The following ADGRG2 variants were observed in gnomAD, a reference collection of about 807,000 sequenced individuals.
ADGRG2 encodes G protein-coupled receptor 64.
A neutral mutation model predicts 74.1 loss-of-function variants in ADGRG2; 26 were observed. The observed-to-expected ratio is 0.35, with a 90% confidence interval of 0.26 to 0.49. The LOEUF is 0.49. ADGRG2 is among the 20% of genes least tolerant of loss of function. The pLI, the probability that ADGRG2 is intolerant of heterozygous loss-of-function variation, is 0.99. For missense variants in ADGRG2, 619 were observed against 763.1 expected (o/e 0.81, Z 2.22); for synonymous variants, 296 against 295.2 (o/e 1.00, Z -0.03).
chrX:19,093,487 A>G (rs920791829), intron 1 of ADGRG2, among the ~76,000 whole-genome samples: 1 of 112,039 alleles, frequency 8.9e-6, no homozygotes, highest in East Asian at 2.8e-4. Context: ...GCTCATGGTC[A>G]TAAGAACACT....
At chrX:18,991,862 CAAT>C (rs2059928555) in intron 28 of ADGRG2, among the ~76,000 whole-genome samples, 1 of 112,192 alleles carries the variant, frequency 8.9e-6, no homozygotes, top group Non-Finnish European at 1.9e-5. Context: ...ATTATGATAA[CAAT>C]GATCATAACA....
chrX:19,110,625 G>A (rs183631762), intron 1 of ADGRG2, among the ~76,000 whole-genome samples: 116 of 107,191 alleles, frequency 1.1e-3, no homozygotes, highest in African/African-American at 3.7e-3. Flanking sequence ...GACAGGGGTC[G>A]CAGTGAGCCA....
At chrX:19,028,273 T>G (rs747241917) in intron 9 of ADGRG2, 35 bp from the exon 10 acceptor site, 21 of 661,822 alleles carry the variant, frequency 3.2e-5, no homozygotes. Flanking sequence ...ATTTGAGACT[T>G]GTATCCTTAT....
chrX:19,010,515 A>G (rs1379351277), intron 17 of ADGRG2, 98 bp downstream of exon 17: 1 of 681,080 alleles, frequency 1.5e-6, no homozygotes, highest in East Asian at 3.3e-5. Context: ...TGTACCTGGT[A>G]CTTGGGAGTA....
At chrX:19,065,241 G>A (rs1196244050) in intron 3 of ADGRG2, among the ~76,000 whole-genome samples, 2 of 88,669 alleles carry the variant, frequency 2.3e-5, no homozygotes, top group African/African-American at 8.8e-5. Flanking sequence ...TCAAGTCTGG[G>A]CGACAACAAG....
At chrX:19,111,478 G>A (rs1419716664) in intron 1 of ADGRG2, among the ~76,000 whole-genome samples, 1 of 111,421 alleles carries the variant, frequency 9.0e-6, no homozygotes, top group Admixed American at 9.6e-5. Flanking sequence ...AAAACCAAGA[G>A]AGCGTAGGAT....
At chrX:19,122,934 G>A (rs2062634254), upstream of ADGRG2, among the ~76,000 whole-genome samples, 1 of 112,449 alleles carries the variant, frequency 8.9e-6, no homozygotes, top group Non-Finnish European at 1.9e-5. Flanking sequence ...CCATATGCCC[G>A]TTTCAGTGTC....
intron 1 of ADGRG2, among the ~76,000 whole-genome samples, chrX:19,089,131 A>G (rs1365685957): frequency 8.9e-6 from 1 of 112,287 alleles, no homozygotes; most frequent in East Asian, 2.8e-4. Context: ...GAAGATAGGA[A>G]TTTAGTGATT....
At chrX:19,017,754 C>G (rs1427565254) in intron 15 of ADGRG2, among the ~76,000 whole-genome samples, 2 of 112,326 alleles carry the variant, frequency 1.8e-5, no homozygotes, top group Non-Finnish European at 3.8e-5. Flanking sequence ...GCCTTCTCTT[C>G]CCATCTGAGA....
At chrX:19,048,038 G>A (rs1052295855) in intron 3 of ADGRG2, among the ~76,000 whole-genome samples, 2 of 110,482 alleles carry the variant, frequency 1.8e-5, no homozygotes, top group African/African-American at 3.3e-5. Flanking sequence ...TGGCCAGAAC[G>A]GGAAGAAGGT....
intron 15 of ADGRG2, among the ~76,000 whole-genome samples, chrX:19,019,352 A>G (rs778165555): frequency 7.2e-5 from 8 of 111,217 alleles, no homozygotes; most frequent in African/African-American, 2.3e-4. Context: ...AAATGACAAA[A>G]CATTTAGTTG....
intron 9 of ADGRG2, among the ~76,000 whole-genome samples, chrX:19,029,174 A>G (rs966227869): frequency 3.6e-5 from 4 of 111,826 alleles, no homozygotes; most frequent in African/African-American, 9.7e-5. Flanking sequence ...TATTTCAGCA[A>G]CTTTTCTACT....
chrX:19,067,356 A>C (rs2146900344), intron 3 of ADGRG2, among the ~76,000 whole-genome samples: 1 of 112,564 alleles, frequency 8.9e-6, no homozygotes, highest in Non-Finnish European at 1.9e-5. Flanking sequence ...CACTGGTATA[A>C]CAAAGTGATT....
rs1472515037 is a variant in ADGRG2, at chrX:18,990,984, G to A, written c.2934C>T (p.His978=). 2.9e-5 allele frequency: 35 copies of A among 1,198,309 alleles called. No homozygotes were observed. The highest frequency in any genetic ancestry group is 3.6e-5 in the Non-Finnish European group (32 of 885,150). ...ACATGTGCTGTTTTCCAGTGAAATC[G>A]TGAAGGCACACATCTCCATTCTGAA... The part of the protein sequence containing the change: ...FSVQNGDVCL[H]DFTGKQHMFN... Residue 978 remains histidine, a synonymous_variant, in exon 29 of 29, where the codon CAC becomes CAT. Coordinates refer to ENST00000379869, the MANE Select transcript of ADGRG2 (RefSeq NM_001079858.3).
chrX:18,995,179 C>A, intron 27 of ADGRG2, 131 bp from the exon 28 acceptor site: 1 of 443,083 alleles, frequency 2.3e-6, no homozygotes. Context: ...AGTCACCTTC[C>A]ACCAGTTGGT....
At position 18,998,897 on chromosome X, in the gene ADGRG2, AC is replaced by A. The variant is rs1367804817; in HGVS notation, c.2614+98del. 36 of 685,968 alleles carry A rather than the reference AC, an allele frequency of 5.2e-5. No individual in the cohort carries two copies. The Admixed American group carries it at 1.0e-3, about 20-fold the overall frequency. The allele number at this position is 685,968 out of a possible 1,213,427, so 56.5% of individuals were successfully genotyped here. ...CTTTATTGTAGTGGTCTAGAACCAA[AC>A]CCCCAACATCTCTGAGGCATGCCTG... On this transcript the variant is annotated intron_variant, in intron 26 of 28. Coordinates refer to ENST00000379869, the MANE Select transcript of ADGRG2 (RefSeq NM_001079858.3).
Position 19,015,300 on chromosome X carries a change from T to G in ADGRG2, c.711-1226A>C, listed in dbSNP as rs1440197898. 3.6e-5 allele frequency among the ~76,000 whole-genome samples: 4 copies of G among 112,423 alleles called. No homozygotes were observed. In the East Asian group the frequency reaches 1.1e-3, roughly 32 times the overall value. On this transcript the variant is annotated intron_variant, in intron 15 of 28. Coordinates refer to ENST00000379869, the MANE Select transcript of ADGRG2 (RefSeq NM_001079858.3). ...CAAGGGGCCTAAAGCAAGTCACATC[T>G]ATAAAAAGAAAAGCCTGCTTGGTCC...
At chrX:19,024,510 G>A (rs1034284739) in intron 11 of ADGRG2, among the ~76,000 whole-genome samples, 2 of 112,303 alleles carry the variant, frequency 1.8e-5, no homozygotes, top group African/African-American at 3.2e-5. Flanking sequence ...GGGATGAGAG[G>A]AATCCAGTTA....
At chrX:19,097,510 C>CA (rs1272351526) in intron 1 of ADGRG2, among the ~76,000 whole-genome samples, 1 of 111,157 alleles carries the variant, frequency 9.0e-6, no homozygotes, top group African/African-American at 3.3e-5. Context: ...GACTCCGTCT[C>CA]AAAAAAAACA....
Sources: gnomAD v4.1 joint callset for allele counts (sites outside exome capture counted in the v4.1 genomes callset) on GRCh38, gnomAD v4.1.1 for gene constraint, MANE v1.5 for transcripts, NCBI Gene and HGNC (gene_info 2026-07-23, HGNC 2026-07-21) for gene names.